Variants in SLC35D2 observed in about 807,000 individuals in gnomAD.
SLC35D2 encodes solute carrier family 35 member D2, also known as nucleotide sugar transporter SLC35D2.
A neutral mutation model predicts 41.8 loss-of-function variants in SLC35D2; 43 were observed. The ratio of observed to expected loss-of-function variants is 1.03; its 90% CI spans 0.81 to 1.33. The LOEUF is 1.33. Ranked by LOEUF, SLC35D2 falls within the 40% of genes most tolerant of loss-of-function variation. The pLI is 0.00. For missense variants in SLC35D2, 380 were observed against 408.4 expected (o/e 0.93, Z 0.60); for synonymous variants, 150 against 163.9 (o/e 0.92, Z 0.65).
chr9:96,345,458 C>A, intron 6 of SLC35D2, 57 bp from the exon 7 acceptor site: 2 of 965,722 alleles, frequency 2.1e-6, no homozygotes, highest in Non-Finnish European at 3.3e-6. Context: ...ACTTGGCCTC[C>A]AAGCCCGCCT....
intron 8 of SLC35D2, among the ~76,000 whole-genome samples, chr9:96,337,214 T>C (rs1829086361): frequency 6.6e-6 from 1 of 152,144 alleles, no homozygotes; most frequent in African/African-American, 2.4e-5. Flanking sequence ...ATTATCTCTT[T>C]TTTTTCTTTC....
At chr9:96,341,986 T>TA (rs1408407762) in intron 8 of SLC35D2, among the ~76,000 whole-genome samples, 1 of 150,874 alleles carries the variant, frequency 6.6e-6, no homozygotes, top group Non-Finnish European at 1.5e-5. Flanking sequence ...TCAGAACAGA[T>TA]AAACTCCGCT....
At chr9:96,372,913 T>G (rs915763576) in intron 1 of SLC35D2, among the ~76,000 whole-genome samples, 2 of 151,212 alleles carry the variant, frequency 1.3e-5, no homozygotes, top group Non-Finnish European at 2.9e-5. Context: ...TTTTGTTTTT[T>G]TTTTTTGAGA....
intron 9 of SLC35D2, among the ~76,000 whole-genome samples, chr9:96,329,837 T>A (rs1828727794): frequency 1.3e-5 from 2 of 152,260 alleles, no homozygotes; most frequent in African/African-American, 4.8e-5. Flanking sequence ...AAGGAATCTA[T>A]ATTAGTCAGC....
At chr9:96,362,355 A>T (rs1464676697) in intron 3 of SLC35D2, among the ~76,000 whole-genome samples, 1 of 152,126 alleles carries the variant, frequency 6.6e-6, no homozygotes, top group Admixed American at 6.5e-5. Context: ...TAAAAATAAA[A>T]AATTGGCCGG....
intron 1 of SLC35D2, among the ~76,000 whole-genome samples, chr9:96,371,707 A>G (rs1369694311): frequency 6.8e-6 from 1 of 148,052 alleles, no homozygotes; most frequent in Non-Finnish European, 1.5e-5. Flanking sequence ...AGTTCAGTTA[A>G]AACTAAATTT....
chr9:96,365,969 G>C (rs1319096981), intron 2 of SLC35D2, among the ~76,000 whole-genome samples: 3 of 152,122 alleles, frequency 2.0e-5, no homozygotes, highest in African/African-American at 7.2e-5. Flanking sequence ...AATTATAACT[G>C]TACTTTGTAC....
intron 3 of SLC35D2, among the ~76,000 whole-genome samples, chr9:96,362,140 A>G (rs1210172991): frequency 6.6e-6 from 1 of 152,242 alleles, no homozygotes; most frequent in East Asian, 1.9e-4. Flanking sequence ...AAGTGAAAGA[A>G]GCAAGATACC....
At chr9:96,317,227 G>A (rs1314651061), downstream of SLC35D2, among the ~76,000 whole-genome samples, 2 of 152,226 alleles carry the variant, frequency 1.3e-5, no homozygotes, top group South Asian at 2.1e-4. Flanking sequence ...CAAGAGGTGT[G>A]CAAAATATCA....
At chr9:96,328,134 C>T (rs1408841085) in intron 9 of SLC35D2, among the ~76,000 whole-genome samples, 1 of 152,212 alleles carries the variant, frequency 6.6e-6, no homozygotes, top group Non-Finnish European at 1.5e-5. Context: ...ACTTTTATTA[C>T]TGAAAATATC....
At chr9:96,346,856 G>C (rs190480802) in intron 6 of SLC35D2, among the ~76,000 whole-genome samples, 1 of 151,552 alleles carries the variant, frequency 6.6e-6, no homozygotes, top group African/African-American at 2.4e-5. Context: ...AGGATTTTTG[G>C]CCAGGCGTGG....
intron 9 of SLC35D2, among the ~76,000 whole-genome samples, chr9:96,327,574 C>G (rs1216229065): frequency 2.6e-5 from 4 of 152,082 alleles, no homozygotes; most frequent in Non-Finnish European, 5.9e-5. Flanking sequence ...TCCTTAGCAA[C>G]AGATGGCGGC....
At chr9:96,326,880 C>G (rs1360954222) in intron 9 of SLC35D2, among the ~76,000 whole-genome samples, 1 of 151,778 alleles carries the variant, frequency 6.6e-6, no homozygotes, top group Admixed American at 6.6e-5. Flanking sequence ...AATTTAGATT[C>G]CCAGGAGCTA....
downstream of SLC35D2, among the ~76,000 whole-genome samples, chr9:96,318,373 G>A (rs993327740): frequency 5.3e-5 from 8 of 149,764 alleles, no homozygotes; most frequent in Admixed American, 2.0e-4. Flanking sequence ...TGGGAGGATC[G>A]CTTGAGCCTG....
intron 10 of SLC35D2, among the ~76,000 whole-genome samples, chr9:96,323,542 C>A (rs1828354751): frequency 6.6e-6 from 1 of 152,138 alleles, no homozygotes; most frequent in African/African-American, 2.4e-5. Context: ...CAGACCCACC[C>A]CCTCTGAGCC....
Position 96,360,238 on chromosome 9 carries a change from A to G in SLC35D2, c.280-17T>C, listed in dbSNP as rs1319076877. ...AGGAAACAGCTTCCATTAAAAAAAA[A>G]AGAAGAAATATTTGGTTAGAACTCC... On this transcript the variant is annotated splice_polypyrimidine_tract_variant and intron_variant, in intron 3 of 11. Transcript: ENST00000253270. 2 of 1,596,358 alleles carry G rather than the reference A, an allele frequency of 1.3e-6. No individual in the cohort carries two copies. Among genetic ancestry groups the G allele is most frequent in the African/African-American group, 2.7e-5 (2 of 74,580 alleles).
intron 3 of SLC35D2, among the ~76,000 whole-genome samples, chr9:96,364,118 C>T (rs1052127383): frequency 6.6e-6 from 1 of 152,076 alleles, no homozygotes; most frequent in Non-Finnish European, 1.5e-5. Context: ...GAGTTCGAGA[C>T]CAGCCTCACC....
chr9:96,345,499 TCTGTGGCACACTTTC>T, intron 6 of SLC35D2, 98 bp from the exon 7 acceptor site: 1 of 706,282 alleles, frequency 1.4e-6, no homozygotes, highest in Non-Finnish European at 2.5e-6. Context: ...AACCCACTTT[TCTGTGGCACACTTTC>T]CCCGCTTTGT....
At chr9:96,374,650 C>T (rs548687386) in intron 1 of SLC35D2, among the ~76,000 whole-genome samples, 6 of 149,902 alleles carry the variant, frequency 4.0e-5, no homozygotes, top group South Asian at 2.1e-4. Flanking sequence ...CTAGCTAGGA[C>T]GGTGAAACCC....
Sources: allele counts gnomAD v4.1 joint callset (sites outside exome capture counted in the v4.1 genomes callset), GRCh38; gene constraint gnomAD v4.1.1; transcripts MANE v1.5; gene names NCBI Gene and HGNC (gene_info 2026-07-23, HGNC 2026-07-21).